Variants in ATP8A2 observed in about 807,000 individuals in gnomAD.
ATP8A2 encodes the protein ATPase phospholipid transporting 8A2, also known as phospholipid-transporting ATPase IB.
Under a neutral mutation model 165.6 loss-of-function variants are expected in ATP8A2, and 100 were observed. That is an observed-to-expected ratio of 0.60 (90% confidence interval 0.51 to 0.71). The LOEUF is 0.71. Ranked by LOEUF, ATP8A2 falls within the 30% of genes least tolerant of loss-of-function variation. The pLI, the probability that ATP8A2 is intolerant of heterozygous loss-of-function variation, is 0.00. For synonymous variants in ATP8A2, 543 were observed against 548.8 expected (o/e 0.99, Z 0.15); for missense variants, 1,227 against 1,479.5 (o/e 0.83, Z 2.80).
chr13:25,577,132 A>AG lies in ATP8A2; in HGVS notation c.1780dup (p.Ala594GlyfsTer2). 1 of 1,613,810 alleles carries AG rather than the reference A, an allele frequency of 6.2e-7. No individual in the cohort carries two copies. The highest frequency in any genetic ancestry group is 8.5e-7 in the Non-Finnish European group (1 of 1,179,714). On this transcript the variant is annotated frameshift_variant, in exon 20 of 37. Coordinates refer to ENST00000381655, the MANE Select transcript of ATP8A2 (RefSeq NM_016529.6). LOFTEE classifies it high-confidence loss of function. ...CAGGACGACTTCGGCTTTACTGTAA[A>AG]GGGGCTGTAAGTACCGGAGAAGCGT...
At chr13:25,720,201 T>C (rs1434039722) in intron 25 of ATP8A2, among the ~76,000 whole-genome samples, 2 of 127,770 alleles carry the variant, frequency 1.6e-5, no homozygotes, top group African/African-American at 3.5e-5. Context: ...GGAATCTCAC[T>C]CTGTCGCCCA....
At chr13:25,513,913 T>C (rs1276206818) in intron 2 of ATP8A2, among the ~76,000 whole-genome samples, 5 of 146,846 alleles carry the variant, frequency 3.4e-5, no homozygotes, top group African/African-American at 1.0e-4. Context: ...AGCAGTAAAG[T>C]CCAGCTTTGG....
intron 2 of ATP8A2, among the ~76,000 whole-genome samples, chr13:25,524,495 T>C (rs73170556): frequency 0.12 from 18,305 of 152,154 alleles, 1,336 homozygotes; most frequent in Non-Finnish European, 0.18. Flanking sequence ...GCAGTCTATC[T>C]CTTGCTTTAG....
At chr13:25,481,601 G>T (rs1320533067) in intron 2 of ATP8A2, among the ~76,000 whole-genome samples, 1 of 152,214 alleles carries the variant, frequency 6.6e-6, no homozygotes, top group African/African-American at 2.4e-5. Flanking sequence ...GGGTACCACT[G>T]TTATCCCTGT....
intron 30 of ATP8A2, among the ~76,000 whole-genome samples, chr13:25,854,928 C>G (rs957649359): frequency 6.6e-6 from 1 of 152,078 alleles, no homozygotes; most frequent in African/African-American, 2.4e-5. Flanking sequence ...ACATTTTTAT[C>G]ACCCCCAAAA....
At position 25,968,575 on chromosome 13, in the gene ATP8A2, A is replaced by G. The variant is rs1566312440; in HGVS notation, c.3273A>G (p.Ala1091=). The G allele has an allele frequency of 6.2e-7, 1 of 1,613,164 alleles. No individual in the cohort carries two copies. The highest frequency in any genetic ancestry group is 8.5e-7 in the Non-Finnish European group (1 of 1,179,754). ...GTTTTGTCTTTTCCTCATAACACAGAGCCAAGCACACCTGCAAAAAGACAT... is the reference window on the plus strand; with the variant it reads ...GTTTTGTCTTTTCCTCATAACACAGGGCCAAGCACACCTGCAAAAAGACAT... The part of the protein sequence containing the change: ...ACLIEDVAWR[A]AKHTCKKTLL... Residue 1091 remains alanine (A), a splice_region_variant and synonymous_variant, in exon 35 of 37, where the codon GCA becomes GCG. Transcript: ENST00000381655.
chr13:25,860,265 ATC>A lies in ATP8A2; in HGVS notation c.3018+13_3018+14del, dbSNP rs767226966. The A allele has an allele frequency of 1.3e-6, 2 of 1,595,092 alleles. No homozygotes were observed. Among genetic ancestry groups the A allele is most frequent in the Non-Finnish European group, 1.7e-6 (2 of 1,163,726 alleles). On this transcript the variant is annotated intron_variant, in intron 31 of 36. Coordinates refer to ENST00000381655, the MANE Select transcript of ATP8A2 (RefSeq NM_016529.6). Reference sequence around the variant, plus strand: ...GAAATATTGTTTACACAGTAAGTTTATCTCTGTTTATTAAGCCATTCTTAAAC... The same window carrying A: ...GAAATATTGTTTACACAGTAAGTTTATCTGTTTATTAAGCCATTCTTAAAC...
At chr13:25,774,811 G>C (rs748144330) in intron 26 of ATP8A2, 38 bp from the exon 27 acceptor site, 11 of 1,213,230 alleles carry the variant, frequency 9.1e-6, no homozygotes, top group Non-Finnish European at 1.3e-5. Flanking sequence ...ATTCCTCAAT[G>C]ATGGGCTCTT....
At chr13:25,574,994 T>C (rs1369269310) in intron 19 of ATP8A2, 137 bp downstream of exon 19, 2 of 467,116 alleles carry the variant, frequency 4.3e-6, no homozygotes, top group African/African-American at 4.1e-5. Flanking sequence ...CTCCATAAAC[T>C]CTTTTCTTCT....
chr13:25,646,873 T>A (rs2041687461), intron 24 of ATP8A2, among the ~76,000 whole-genome samples: 1 of 152,150 alleles, frequency 6.6e-6, no homozygotes, highest in Non-Finnish European at 1.5e-5. Flanking sequence ...GTGCTTTGAA[T>A]CCATTCTATT....
intron 27 of ATP8A2, among the ~76,000 whole-genome samples, chr13:25,821,181 A>G (rs1566172912): frequency 6.6e-6 from 1 of 152,226 alleles, no homozygotes; most frequent in Non-Finnish European, 1.5e-5. Flanking sequence ...CAGAATCAGA[A>G]CACTGGCTGC....
At chr13:25,460,808 A>G (rs1362753458) in intron 1 of ATP8A2, among the ~76,000 whole-genome samples, 1 of 152,214 alleles carries the variant, frequency 6.6e-6, no homozygotes. Context: ...CTGCACAGCC[A>G]AATCATAATC....
At chr13:25,843,323 G>T (rs1951787760) in intron 30 of ATP8A2, among the ~76,000 whole-genome samples, 1 of 152,150 alleles carries the variant, frequency 6.6e-6, no homozygotes, top group Non-Finnish European at 1.5e-5. Context: ...CGGGACACTG[G>T]GCATTCCTGC....
At chr13:25,580,804 G>A (rs996182801) in intron 22 of ATP8A2, among the ~76,000 whole-genome samples, 6 of 152,160 alleles carry the variant, frequency 3.9e-5, no homozygotes, top group African/African-American at 1.4e-4. Context: ...AAATCCCAAA[G>A]TACTGGGATT....
chr13:25,859,295 T>C, intron 30 of ATP8A2, among the ~76,000 whole-genome samples: 1 of 152,054 alleles, frequency 6.6e-6, no homozygotes, highest in East Asian at 1.9e-4. Flanking sequence ...TCATTTGTAC[T>C]CCAGACCTCA....
chr13:25,559,369 C>G (rs901837913), intron 14 of ATP8A2, among the ~76,000 whole-genome samples: 1 of 152,072 alleles, frequency 6.6e-6, no homozygotes, highest in African/African-American at 2.4e-5. Context: ...CTTGTCACTA[C>G]TAAACATACA....
At chr13:25,714,710 T>C (rs1420668668) in intron 25 of ATP8A2, among the ~76,000 whole-genome samples, 2 of 152,228 alleles carry the variant, frequency 1.3e-5, no homozygotes, top group African/African-American at 2.4e-5. Flanking sequence ...GTTGCTGAAG[T>C]TATGCTGAGA....
intron 24 of ATP8A2, among the ~76,000 whole-genome samples, chr13:25,642,112 A>G (rs61947273): frequency 0.038 from 5,755 of 152,300 alleles, 164 homozygotes; most frequent in Middle Eastern, 0.075. Flanking sequence ...AAGATGGATT[A>G]AAGACTTAAA....
At chr13:25,629,772 T>C (rs1370962842) in intron 24 of ATP8A2, among the ~76,000 whole-genome samples, 1 of 151,506 alleles carries the variant, frequency 6.6e-6, no homozygotes, top group African/African-American at 2.4e-5. Context: ...TTTTCCAGCA[T>C]AAAACCCCTG....
Sources: allele counts gnomAD v4.1 joint callset (sites outside exome capture counted in the v4.1 genomes callset), GRCh38; gene constraint gnomAD v4.1.1; transcripts MANE v1.5; gene names NCBI Gene and HGNC (gene_info 2026-07-23, HGNC 2026-07-21).